Variants in SLC22A23 observed in about 807,000 individuals in gnomAD.
SLC22A23 encodes ion transporter protein.
A neutral mutation model predicts 61.0 loss-of-function variants in SLC22A23; 26 were observed. The ratio of observed to expected loss-of-function variants is 0.43; its 90% CI spans 0.31 to 0.59. The LOEUF (loss-of-function observed/expected upper bound fraction) is 0.59. Among genes scored for constraint, SLC22A23 ranks in the 20% least tolerant of loss-of-function variants. The pLI is 0.11. For missense variants in SLC22A23, 796 were observed against 934.7 expected (o/e 0.85, Z 1.94); for synonymous variants, 430 against 413.9 (o/e 1.04, Z -0.47).
At chr6:3,347,944 G>A (rs570499359) in intron 3 of SLC22A23, among the ~76,000 whole-genome samples, 1 of 152,238 alleles carries the variant, frequency 6.6e-6, no homozygotes, top group South Asian at 2.1e-4. Flanking sequence ...CAGCCTGGAC[G>A]CCCTCCTGTC....
intron 4 of SLC22A23, among the ~76,000 whole-genome samples, chr6:3,321,391 CACGTACACAT>C (rs1762942557): frequency 6.6e-6 from 1 of 151,252 alleles, no homozygotes; most frequent in Admixed American, 6.7e-5. Flanking sequence ...CACATGCACA[CACGTACACAT>C]ACATGCACAC....
At position 3,414,967 on chromosome 6, in the gene SLC22A23, T is replaced by C. The variant is rs1292086629; in HGVS notation, c.758+785A>G. 6.6e-6 allele frequency among the ~76,000 whole-genome samples: 1 copy of C among 152,168 alleles called. No homozygotes were observed. The highest frequency in any genetic ancestry group is 1.5e-5 in the Non-Finnish European group (1 of 68,038). ...GGCCACGTGGTGGCTGAGTTTCAAGTTCTGGCTCTCCAGCTTAAAGCTGAG... is the reference window on the plus strand; with the variant it reads ...GGCCACGTGGTGGCTGAGTTTCAAGCTCTGGCTCTCCAGCTTAAAGCTGAG... On this transcript the variant is annotated intron_variant, in intron 2 of 9. Coordinates refer to ENST00000406686, the MANE Select transcript of SLC22A23 (RefSeq NM_015482.2). The surrounding 1 kb of genome is among the most constrained non-coding windows in gnomAD (Gnocchi z 5.1).
chr6:3,355,125 T>C (rs1397677522), intron 3 of SLC22A23, among the ~76,000 whole-genome samples: 1 of 151,040 alleles, frequency 6.6e-6, no homozygotes, highest in Non-Finnish European at 1.5e-5. Flanking sequence ...ATCTTTGGGC[T>C]CCTACCCTCT....
intron 4 of SLC22A23, chr6:3,311,704 G>T (rs977831541): frequency 2.6e-5 from 4 of 152,208 alleles, no homozygotes; most frequent in African/African-American, 9.7e-5. Flanking sequence ...GGGAGAAAAA[G>T]TGCATTCATA....
At position 3,410,487 on chromosome 6, in the gene SLC22A23, T is replaced by C. The variant is rs1028360954; in HGVS notation, c.759-145A>G. The C allele has an allele frequency of 1.3e-6, 1 of 786,612 alleles. No homozygotes were observed. Among genetic ancestry groups the C allele is most frequent in the Non-Finnish European group, 1.9e-6 (1 of 518,046 alleles). The allele number at this position is 786,612 out of a possible 1,614,324, so 48.7% of individuals were successfully genotyped here. ...CCTGTGCCATCTATACCCACTTCAC[T>C]AGATCCTAGGCTACTATGGGTAAAA... On this transcript the variant is annotated intron_variant, in intron 2 of 9. Coordinates refer to ENST00000406686, the MANE Select transcript of SLC22A23 (RefSeq NM_015482.2). This position sits in a 1 kb window ranked among gnomAD's most constrained non-coding sequence, Gnocchi z 5.0.
chr6:3,348,291 C>A (rs1463652791), intron 3 of SLC22A23, among the ~76,000 whole-genome samples: 1 of 152,228 alleles, frequency 6.6e-6, no homozygotes, highest in African/African-American at 2.4e-5. Flanking sequence ...ACAGCTACTA[C>A]AACGGAGGGG....
At chr6:3,397,070 G>A (rs1434580456) in intron 3 of SLC22A23, among the ~76,000 whole-genome samples, 1 of 152,164 alleles carries the variant, frequency 6.6e-6, no homozygotes, top group East Asian at 1.9e-4. Context: ...CTGTGGGGTC[G>A]CAGCCCCACA....
chr6:3,417,932 T>G (rs1041738267), intron 1 of SLC22A23, among the ~76,000 whole-genome samples: 2 of 152,266 alleles, frequency 1.3e-5, no homozygotes, highest in African/African-American at 4.8e-5. Context: ...ATATGTATGC[T>G]GTTTCTAGGA....
Position 3,287,086 on chromosome 6 carries a change from G to A in SLC22A23, c.1319C>T (p.Thr440Met), listed in dbSNP as rs746982618. The change falls in exon 7 of 10, where the codon ACG becomes ATG. Residue 440 changes from threonine (T) to methionine (M), a missense_variant. By Grantham distance (81) the Thr-to-Met change is moderately conservative (BLOSUM62 -1). Coordinates refer to ENST00000406686, the MANE Select transcript of SLC22A23 (RefSeq NM_015482.2). The part of the protein sequence containing the change: ...NIVVLCVNSL[T>M]GYGIHHCFAR... Reference sequence around the variant, plus strand: ...AAAGCAGTGGTGGATCCCGTACCCCGTCAGCCTGTGGAGACATACCGAGCG... The same window carrying A: ...AAAGCAGTGGTGGATCCCGTACCCCATCAGCCTGTGGAGACATACCGAGCG... The A allele has an allele frequency of 8.7e-6, 14 of 1,613,814 alleles. No homozygotes were observed. The highest frequency in any genetic ancestry group is 1.7e-5 in the Admixed American group (1 of 60,002).
At chr6:3,408,590 G>T (rs1768985277) in intron 3 of SLC22A23, among the ~76,000 whole-genome samples, 1 of 152,150 alleles carries the variant, frequency 6.6e-6, no homozygotes, top group Admixed American at 6.5e-5. Flanking sequence ...GAGCCCCAAA[G>T]TCTCCTCAGA....
At chr6:3,420,712 A>C (rs1189536389) in intron 1 of SLC22A23, among the ~76,000 whole-genome samples, 1 of 152,240 alleles carries the variant, frequency 6.6e-6, no homozygotes, top group Non-Finnish European at 1.5e-5. Context: ...TTACATATCA[A>C]TATACACCAA....
At chr6:3,433,158 G>A (rs1051528292) in intron 1 of SLC22A23, among the ~76,000 whole-genome samples, 1 of 152,194 alleles carries the variant, frequency 6.6e-6, no homozygotes, top group Non-Finnish European at 1.5e-5. Context: ...GAGGCGGGAG[G>A]GCCTGGCTGC....
At chr6:3,348,104 CTG>C (rs749995809) in intron 3 of SLC22A23, among the ~76,000 whole-genome samples, 13 of 152,238 alleles carry the variant, frequency 8.5e-5, no homozygotes, top group Non-Finnish European at 1.8e-4. Context: ...TACCTGCATG[CTG>C]TGTGTCTCCT....
chr6:3,357,708 T>C (rs1391189317), intron 3 of SLC22A23, among the ~76,000 whole-genome samples: 12 of 152,294 alleles, frequency 7.9e-5, no homozygotes, highest in Admixed American at 3.9e-4. Flanking sequence ...CGGCTGTGTA[T>C]AATGAATGCA....
At chr6:3,363,423 CCAGGACA>C (rs1367617034) in intron 3 of SLC22A23, among the ~76,000 whole-genome samples, 2 of 152,202 alleles carry the variant, frequency 1.3e-5, no homozygotes, top group African/African-American at 4.8e-5. Context: ...CTGTGACACC[CCAGGACA>C]CAGGCTGAGG....
chr6:3,300,438 G>T lies in SLC22A23; in HGVS notation c.1083-2220C>A, dbSNP rs1398153140. 3.3e-5 allele frequency among the ~76,000 whole-genome samples: 5 copies of T among 152,282 alleles called. No homozygotes were observed. The South Asian group carries it at 6.2e-4, about 19-fold the overall frequency. ...GTATTAAGAGATAGGGCCTTTAGGG[G>T]TGATTAAGTCATGAGAACGGGAGGC... On this transcript the variant is annotated intron_variant, in intron 4 of 9. Coordinates refer to ENST00000406686, the MANE Select transcript of SLC22A23 (RefSeq NM_015482.2).
rs1217264536 is a variant in SLC22A23, at chr6:3,403,293, A to AT, written c.913+6894dup. On this transcript the variant is annotated intron_variant, in intron 3 of 9. Coordinates refer to ENST00000406686, the MANE Select transcript of SLC22A23 (RefSeq NM_015482.2). ...TATTGCTCTCTTACACTCCTGAACA[A>AT]TTTTTTCTGGTCGACTCAGCTTTTA... Among the ~76,000 whole-genome samples, 3 of 151,020 alleles carry AT rather than the reference A, an allele frequency of 2.0e-5. No homozygotes were observed. In the East Asian group the frequency reaches 5.8e-4, roughly 29 times the overall value.
intron 3 of SLC22A23, among the ~76,000 whole-genome samples, chr6:3,375,420 T>C (rs756188628): frequency 2.3e-4 from 35 of 152,244 alleles, no homozygotes; most frequent in Non-Finnish European, 4.4e-4. Flanking sequence ...TGCTTTTCAA[T>C]ATATTCAGCA....
rs184342717 is a variant in SLC22A23 at position 3,390,821 on chromosome 6, C to G, written c.913+19367G>C. 7.6e-4 allele frequency among the ~76,000 whole-genome samples: 116 copies of G among 152,292 alleles called. No individual in the cohort carries two copies. The Middle Eastern group carries it at 0.01, about 13-fold the overall frequency. On this transcript the variant is annotated intron_variant, in intron 3 of 9. Coordinates refer to ENST00000406686, the MANE Select transcript of SLC22A23 (RefSeq NM_015482.2). This position sits in a 1 kb window ranked among gnomAD's most constrained non-coding sequence, Gnocchi z 4.0. ...CCTACAGGCTTCAATAATATGCTGC[C>G]TATCTGCCAAACCACTGGCTTCCAA... is the stretch of plus-strand genomic sequence containing the variant.
Sources: gnomAD v4.1 joint callset for allele counts (sites outside exome capture counted in the v4.1 genomes callset) on GRCh38, gnomAD v4.1.1 for gene constraint, Gnocchi (gnomAD v3.1) non-coding constraint, MANE v1.5 for transcripts, NCBI Gene and HGNC (gene_info 2026-07-23, HGNC 2026-07-21) for gene names.